Variants in KLHL13 observed in about 807,000 individuals in gnomAD.
The protein encoded by KLHL13 is kelch like family member 13.
KLHL13 carries 10 observed loss-of-function variants against 37.1 expected under a neutral mutation model. The observed-to-expected ratio is 0.27, with a 90% CI of 0.17 to 0.46. The LOEUF (loss-of-function observed/expected upper bound fraction) is 0.46. Ranked by LOEUF, KLHL13 falls within the 20% of genes least tolerant of loss-of-function variation. The pLI, the probability that KLHL13 is intolerant of heterozygous loss-of-function variation, is 1.00. For synonymous variants in KLHL13, 163 were observed against 181.2 expected (o/e 0.90, Z 0.81); for missense variants, 360 against 509.3 (o/e 0.71, Z 2.82).
chrX:117,953,911 C>T (rs1001087361), intron 1 of KLHL13, among the ~76,000 whole-genome samples: 2 of 111,804 alleles, frequency 1.8e-5, no homozygotes, highest in Non-Finnish European at 3.8e-5. Flanking sequence ...ATGCTATTCT[C>T]CCAACACTTA....
intron 1 of KLHL13, among the ~76,000 whole-genome samples, chrX:117,948,125 T>A (rs760614494): frequency 8.8e-5 from 9 of 101,798 alleles, no homozygotes; most frequent in Admixed American, 2.0e-4. Flanking sequence ...CTGCTAAACA[T>A]CCTACAAAAC....
At chrX:117,953,958 A>G (rs1409052948) in intron 1 of KLHL13, among the ~76,000 whole-genome samples, 1 of 111,906 alleles carries the variant, frequency 8.9e-6, no homozygotes, top group African/African-American at 3.2e-5. Flanking sequence ...AAAATAACTC[A>G]GATGAAATTT....
In KLHL13 at chrX:117,965,902, T is replaced by C. The variant is rs778124845; in HGVS notation, c.98+6829A>G. ...ATAAATTAGGTATTGATGGGATGTA[T>C]CTCAAAATAATAAGAGCTATCTATG... On this transcript the variant is annotated intron_variant, in intron 1 of 6. Transcript: ENST00000262820. Among the ~76,000 whole-genome samples, 11 of 111,497 alleles carry C rather than the reference T, an allele frequency of 9.9e-5. No homozygotes were observed. The South Asian group carries it at 4.2e-3, about 43-fold the overall frequency.
intron 2 of KLHL13, among the ~76,000 whole-genome samples, chrX:117,929,726 G>C (rs908573526): frequency 2.2e-5 from 2 of 91,967 alleles, no homozygotes; most frequent in African/African-American, 8.4e-5. Context: ...AGGATTGCTT[G>C]AGCCCAGCTG....
chrX:118,089,611 AGAAAGAAAG>A (rs2055098267), intron 1 of KLHL13, among the ~76,000 whole-genome samples: 3 of 63,841 alleles, frequency 4.7e-5, no homozygotes, highest in African/African-American at 2.0e-4. Flanking sequence ...AGAGAGAGAG[AGAAAGAAAG>A]AGAAAGAAAG....
chrX:117,978,412 T>C (rs112674592), upstream of KLHL13, among the ~76,000 whole-genome samples: 5 of 111,397 alleles, frequency 4.5e-5, no homozygotes, highest in African/African-American at 1.6e-4. Context: ...TGCTAGTGTG[T>C]TGAAAAGGCA....
At chrX:118,017,484 T>C in intron 1 of KLHL13, among the ~76,000 whole-genome samples, 1 of 111,158 alleles carries the variant, frequency 9.0e-6, no homozygotes, top group African/African-American at 3.3e-5. Flanking sequence ...AACTAACCAA[T>C]TGGTTATTGC....
At chrX:118,072,174 C>T (rs1263377069) in intron 1 of KLHL13, among the ~76,000 whole-genome samples, 7 of 109,637 alleles carry the variant, frequency 6.4e-5, no homozygotes, top group East Asian at 2.9e-4. Flanking sequence ...GAAATAACGC[C>T]GCATATCTAC....
chrX:118,089,479 G>A (rs1219255861), intron 1 of KLHL13, among the ~76,000 whole-genome samples: 1 of 107,996 alleles, frequency 9.3e-6, no homozygotes. Flanking sequence ...TGGCAGTAAT[G>A]AGGCAGTGCC....
intron 1 of KLHL13, among the ~76,000 whole-genome samples, chrX:117,964,847 TG>T (rs764180753): frequency 9.0e-6 from 1 of 111,151 alleles, no homozygotes; most frequent in Non-Finnish European, 1.9e-5. Flanking sequence ...GTTTGGTTTT[TG>T]GTCCTTGTGA....
At chrX:117,991,090 G>C (rs2053783233) in intron 1 of KLHL13, among the ~76,000 whole-genome samples, 1 of 102,650 alleles carries the variant, frequency 9.7e-6, no homozygotes, top group South Asian at 4.0e-4. Context: ...TATCTCCAGT[G>C]TGTTTTTGGG....
intron 1 of KLHL13, among the ~76,000 whole-genome samples, chrX:118,090,367 T>C (rs1292199201): frequency 9.0e-6 from 1 of 111,031 alleles, no homozygotes; most frequent in Non-Finnish European, 1.9e-5. Flanking sequence ...AATTTTGCAA[T>C]CTACTTATCT....
chrX:118,026,040 A>AC (rs1371443115), intron 1 of KLHL13, among the ~76,000 whole-genome samples: 1 of 111,404 alleles, frequency 9.0e-6, no homozygotes, highest in Non-Finnish European at 1.9e-5. Flanking sequence ...ATAAAGGGGG[A>AC]CTACTGTATA....
At chrX:118,028,892 C>T in intron 1 of KLHL13, among the ~76,000 whole-genome samples, 1 of 111,634 alleles carries the variant, frequency 9.0e-6, no homozygotes, top group Non-Finnish European at 1.9e-5. Context: ...GCACACCATT[C>T]TGAGTGGCAG....
chrX:118,117,142 A>T (rs1433285592), upstream of KLHL13: 1 of 112,730 alleles, frequency 8.9e-6, no homozygotes, highest in African/African-American at 3.2e-5. Flanking sequence ...GTATCCAGGG[A>T]CAACAGTGCA....
At chrX:117,959,359 T>C (rs941976212) in intron 1 of KLHL13, among the ~76,000 whole-genome samples, 1 of 112,025 alleles carries the variant, frequency 8.9e-6, no homozygotes, top group African/African-American at 3.2e-5. Flanking sequence ...TCCATATACT[T>C]TTCAAAATTG....
exon 7 of KLHL13, chrX:117,898,134 T>C (rs1261562543): frequency 8.9e-6 from 1 of 111,887 alleles, no homozygotes; most frequent in Non-Finnish European, 1.9e-5. Context: ...GAAGCTGCTT[T>C]TTGGAAGAAT....
intron 1 of KLHL13, among the ~76,000 whole-genome samples, chrX:118,089,764 G>A (rs12557869): frequency 0.036 from 3,987 of 110,624 alleles, 93 homozygotes; most frequent in Non-Finnish European, 0.056. Flanking sequence ...CAAGAACCAG[G>A]AAGATTCAGC....
intron 1 of KLHL13, among the ~76,000 whole-genome samples, chrX:118,043,964 A>G (rs1335696579): frequency 8.9e-6 from 1 of 112,231 alleles, no homozygotes; most frequent in East Asian, 2.8e-4. Context: ...CCTTGACTGC[A>G]GATAACATGA....
Sources: allele counts gnomAD v4.1 joint callset (sites outside exome capture counted in the v4.1 genomes callset), GRCh38; gene constraint gnomAD v4.1.1; transcripts MANE v1.5; gene names NCBI Gene and HGNC (gene_info 2026-07-23, HGNC 2026-07-21).